PCED1B: variants seen among roughly 807,000 people sequenced by gnomAD.
PCED1B encodes PC-esterase domain containing 1B.
For missense variants in PCED1B, 573 were observed against 573.9 expected (o/e 1.00, Z 0.02); for synonymous variants, 251 against 246.1 (o/e 1.02, Z -0.19).
At chr12:47,225,048 C>T (rs1443170825) in intron 3 of PCED1B, among the ~76,000 whole-genome samples, 1 of 152,198 alleles carries the variant, frequency 6.6e-6, no homozygotes, top group Non-Finnish European at 1.5e-5. Flanking sequence ...TCTCCTGCCT[C>T]AGCCTCCCAA....
chr12:47,191,099 G>T (rs1190709323), intron 2 of PCED1B, among the ~76,000 whole-genome samples: 1 of 152,174 alleles, frequency 6.6e-6, no homozygotes, highest in East Asian at 1.9e-4. Context: ...AACATGCATG[G>T]AGGAAGACAA....
intron 2 of PCED1B, among the ~76,000 whole-genome samples, chr12:47,189,953 C>A (rs1282209583): frequency 6.6e-6 from 1 of 152,182 alleles, no homozygotes; most frequent in Non-Finnish European, 1.5e-5. Context: ...GCTCTTCCAG[C>A]CCTGCTCGGC....
intron 2 of PCED1B, among the ~76,000 whole-genome samples, chr12:47,205,710 A>G (rs899648901): frequency 6.6e-6 from 1 of 151,704 alleles, no homozygotes; most frequent in Non-Finnish European, 1.5e-5. Context: ...AAAGAAAGAG[A>G]GGGAAAGAGG....
At chr12:47,232,691 C>A (rs1274762794) in intron 3 of PCED1B, among the ~76,000 whole-genome samples, 1 of 152,096 alleles carries the variant, frequency 6.6e-6, no homozygotes, top group Non-Finnish European at 1.5e-5. Flanking sequence ...TTGTAAATGG[C>A]AACTTGAAAT....
At chr12:47,232,768 A>G (rs1308753786) in intron 3 of PCED1B, among the ~76,000 whole-genome samples, 4 of 152,112 alleles carry the variant, frequency 2.6e-5, no homozygotes, top group Admixed American at 2.0e-4. Context: ...GAGAGAAAAA[A>G]CTTTTTCTCT....
chr12:47,117,261 A>G (rs1565757178), intron 2 of PCED1B, among the ~76,000 whole-genome samples: 3 of 152,126 alleles, frequency 2.0e-5, no homozygotes, highest in Non-Finnish European at 2.9e-5. Context: ...GGTTTGTTAC[A>G]TATGTATACA....
chr12:47,081,062 C>G (rs2106928), intron 1 of PCED1B, among the ~76,000 whole-genome samples: 31,554 of 152,208 alleles, frequency 0.21, 4,165 homozygotes, highest in Admixed American at 0.3. Flanking sequence ...CTGATGAGCT[C>G]TACGATTAAA....
intron 2 of PCED1B, among the ~76,000 whole-genome samples, chr12:47,111,781 A>G (rs1372966157): frequency 6.6e-6 from 1 of 152,222 alleles, no homozygotes; most frequent in Admixed American, 6.5e-5. Flanking sequence ...CTCATAAGCA[A>G]CCAGCTGTGC....
At chr12:47,138,496 C>T (rs1018957376) in intron 2 of PCED1B, 2 of 152,226 alleles carry the variant, frequency 1.3e-5, no homozygotes, top group African/African-American at 4.8e-5. Flanking sequence ...GACTTCCTAA[C>T]TTTCAGTAGC....
chr12:47,188,167 G>A (rs1195079468), intron 2 of PCED1B, among the ~76,000 whole-genome samples: 1 of 152,064 alleles, frequency 6.6e-6, no homozygotes, highest in Non-Finnish European at 1.5e-5. Context: ...AAGGACTTTG[G>A]GGACAGTGAT....
At chr12:47,116,303 G>T (rs927101102) in intron 2 of PCED1B, among the ~76,000 whole-genome samples, 7 of 152,106 alleles carry the variant, frequency 4.6e-5, no homozygotes, top group African/African-American at 1.7e-4. Context: ...TTTTGGAAAG[G>T]TACATAGTCT....
At chr12:47,168,766 TA>T (rs1394943370) in intron 2 of PCED1B, among the ~76,000 whole-genome samples, 1 of 152,196 alleles carries the variant, frequency 6.6e-6, no homozygotes, top group African/African-American at 2.4e-5. Context: ...CCAGAGCTAT[TA>T]AAGTGTTGTT....
chr12:47,195,843 C>T (rs897596393), intron 2 of PCED1B, among the ~76,000 whole-genome samples: 2 of 152,208 alleles, frequency 1.3e-5, no homozygotes, highest in Admixed American at 6.5e-5. Flanking sequence ...TATGCCCATG[C>T]AGATAGCAGT....
At chr12:47,214,089 G>T (rs1476168009) in intron 2 of PCED1B, among the ~76,000 whole-genome samples, 1 of 152,112 alleles carries the variant, frequency 6.6e-6, no homozygotes, top group Non-Finnish European at 1.5e-5. Flanking sequence ...GACTACTCTG[G>T]ATTATAAAAT....
chr12:47,132,421 C>A (rs1031641658), intron 2 of PCED1B, among the ~76,000 whole-genome samples: 2 of 151,934 alleles, frequency 1.3e-5, no homozygotes, highest in Admixed American at 6.6e-5. Context: ...CAACAAATAC[C>A]CCTGTGTAAA....
intron 1 of PCED1B, among the ~76,000 whole-genome samples, chr12:47,091,850 T>A (rs1938279341): frequency 6.6e-6 from 1 of 152,148 alleles, no homozygotes. Flanking sequence ...CATGCCACCA[T>A]ATATGTGCAG....
chr12:47,107,062 C>G (rs1337059630), intron 2 of PCED1B, among the ~76,000 whole-genome samples: 1 of 152,184 alleles, frequency 6.6e-6, no homozygotes, highest in African/African-American at 2.4e-5. Context: ...TCCTGAAGTT[C>G]TGATTTTCTT....
chr12:47,217,144 C>A (rs997342046), intron 3 of PCED1B, among the ~76,000 whole-genome samples: 1 of 151,900 alleles, frequency 6.6e-6, no homozygotes, highest in South Asian at 2.1e-4. Context: ...GGCCCACACC[C>A]GTAATCCAAG....
chr12:47,122,907 A>G (rs1183263017), intron 2 of PCED1B, among the ~76,000 whole-genome samples: 1 of 152,198 alleles, frequency 6.6e-6, no homozygotes, highest in African/African-American at 2.4e-5. Flanking sequence ...GGAGATTATA[A>G]TCCTCTAAAT....
Sources: gnomAD v4.1 joint callset for allele counts (sites outside exome capture counted in the v4.1 genomes callset) on GRCh38, gnomAD v4.1.1 for gene constraint, MANE v1.5 for transcripts, NCBI Gene and HGNC (gene_info 2026-07-23, HGNC 2026-07-21) for gene names.